NUDCD3: variants seen among roughly 807,000 people sequenced by gnomAD.
NUDCD3 encodes the protein nudC domain-containing protein 3.
Under a neutral mutation model 39.7 loss-of-function variants are expected in NUDCD3, and 13 were observed. That is an observed-to-expected ratio of 0.33 (90% CI 0.21 to 0.52). The LOEUF (loss-of-function observed/expected upper bound fraction) is 0.52, where lower values mean the gene tolerates loss of function less well. Among genes scored for constraint, NUDCD3 ranks in the 20% least tolerant of loss-of-function variants. The pLI is 0.96. For synonymous variants in NUDCD3, 175 were observed against 172.4 expected, an observed-to-expected ratio of 1.02 and a Z score of -0.12; for missense variants, 453 against 458.1, an observed-to-expected ratio of 0.99 and a Z score of 0.10.
At chr7:44,414,911 C>G (rs1428859108) in intron 3 of NUDCD3, among the ~76,000 whole-genome samples, 2 of 152,146 alleles carry the variant, frequency 1.3e-5, no homozygotes, top group African/African-American at 4.8e-5. Flanking sequence ...CACCTAGTGG[C>G]TAAGGTGGTG....
At chr7:44,472,664 T>C (rs753901326) in intron 2 of NUDCD3, among the ~76,000 whole-genome samples, 3 of 152,086 alleles carry the variant, frequency 2.0e-5, no homozygotes, top group Non-Finnish European at 4.4e-5. Context: ...ACAAACAAAA[T>C]GAACAAATGG....
At chr7:44,483,505 C>T (rs929796979) in intron 2 of NUDCD3, among the ~76,000 whole-genome samples, 2 of 152,168 alleles carry the variant, frequency 1.3e-5, no homozygotes, top group Non-Finnish European at 2.9e-5. Context: ...GCCTTCCACC[C>T]TATACTCCCC....
At chr7:44,428,239 C>T (rs1799277509) in intron 2 of NUDCD3, among the ~76,000 whole-genome samples, 1 of 151,016 alleles carries the variant, frequency 6.6e-6, no homozygotes, top group African/African-American at 2.4e-5. Context: ...AGTTTGAAAC[C>T]AACCTGGCTA....
chr7:44,474,609 G>A (rs932715799), intron 2 of NUDCD3, among the ~76,000 whole-genome samples: 3 of 152,072 alleles, frequency 2.0e-5, no homozygotes, highest in Non-Finnish European at 4.4e-5. Flanking sequence ...AAAACGTTAA[G>A]ATACCAGGTT....
At chr7:44,484,138 C>A (rs1416932995) in intron 2 of NUDCD3, among the ~76,000 whole-genome samples, 1 of 152,134 alleles carries the variant, frequency 6.6e-6, no homozygotes, top group Non-Finnish European at 1.5e-5. Context: ...CCCATCCTAT[C>A]AAGGAGGGAA....
chr7:44,489,582 T>C (rs1800689028), intron 1 of NUDCD3, among the ~76,000 whole-genome samples: 1 of 152,254 alleles, frequency 6.6e-6, no homozygotes, highest in Admixed American at 6.5e-5. Flanking sequence ...AATAGTTTCT[T>C]TTAATCTCAT....
intron 2 of NUDCD3, among the ~76,000 whole-genome samples, chr7:44,441,244 A>T (rs55934331): frequency 0.13 from 19,554 of 152,244 alleles, 1,667 homozygotes; most frequent in Non-Finnish European, 0.19. Flanking sequence ...TTTTCACAAC[A>T]GTCAGTATGT....
intron 2 of NUDCD3, among the ~76,000 whole-genome samples, chr7:44,452,353 T>A (rs997660182): frequency 1.3e-5 from 2 of 152,258 alleles, no homozygotes; most frequent in Non-Finnish European, 2.9e-5. Flanking sequence ...AGAGGACTGC[T>A]TGAGGCCAGC....
chr7:44,396,481 A>G (rs949404442), intron 4 of NUDCD3, among the ~76,000 whole-genome samples: 1 of 152,200 alleles, frequency 6.6e-6, no homozygotes, highest in Non-Finnish European at 1.5e-5. Context: ...GCATTCTAAC[A>G]TCGTTATTGA....
At chr7:44,467,825 AAAAAAAG>A (rs1800151435) in intron 2 of NUDCD3, 344 of 1,142,782 alleles carry the variant, frequency 3.0e-4, no homozygotes, top group East Asian at 6.1e-4. Flanking sequence ...AGTAAAAAAA[AAAAAAAG>A]AAAAGAAAAG....
intron 2 of NUDCD3, among the ~76,000 whole-genome samples, chr7:44,435,851 C>G (rs1444540795): frequency 6.6e-6 from 1 of 152,120 alleles, no homozygotes; most frequent in African/African-American, 2.4e-5. Flanking sequence ...AACACAGGAC[C>G]TCGAATCCAT....
Position 44,485,304 on chromosome 7 carries a change from C to T in NUDCD3, c.193-20G>A. On this transcript the variant is annotated intron_variant, in intron 1 of 5. Transcript: ENST00000355451. ...GAATACCTAAAATCAAACACCAATCCAGCAATCAGTTCATCTGCCCAATAC... is the reference window on the plus strand; with the variant it reads ...GAATACCTAAAATCAAACACCAATCTAGCAATCAGTTCATCTGCCCAATAC... 6.3e-7 allele frequency: 1 copy of T among 1,581,392 alleles called. No homozygotes were observed. The highest frequency in any genetic ancestry group is 8.6e-7 in the Non-Finnish European group (1 of 1,158,298).
chr7:44,477,156 T>C (rs1029424439), intron 2 of NUDCD3, among the ~76,000 whole-genome samples: 1 of 152,156 alleles, frequency 6.6e-6, no homozygotes, highest in Non-Finnish European at 1.5e-5. Context: ...GGGGTTAATA[T>C]GTTAGATTGT....
At chr7:44,452,728 C>T (rs1585088581) in intron 2 of NUDCD3, among the ~76,000 whole-genome samples, 4 of 152,166 alleles carry the variant, frequency 2.6e-5, no homozygotes, top group Admixed American at 2.0e-4. Flanking sequence ...GAAAGGCCAT[C>T]GGAGTGAGGG....
chr7:44,441,416 C>G (rs939735469), intron 2 of NUDCD3, among the ~76,000 whole-genome samples: 3 of 151,956 alleles, frequency 2.0e-5, no homozygotes, highest in Non-Finnish European at 4.4e-5. Context: ...CAAGAACCAC[C>G]CAGTCTTCCA....
At chr7:44,464,688 A>G (rs1345137130) in intron 2 of NUDCD3, among the ~76,000 whole-genome samples, 4 of 152,180 alleles carry the variant, frequency 2.6e-5, no homozygotes, top group African/African-American at 9.7e-5. Flanking sequence ...TCTTGGCCTC[A>G]AGTAATCTGC....
chr7:44,412,926 C>CAAAAAAAAAAAAAAAAA (rs767754442), intron 3 of NUDCD3, among the ~76,000 whole-genome samples: 1 of 43,872 alleles, frequency 2.3e-5, no homozygotes, highest in African/African-American at 8.0e-5. Flanking sequence ...GACGCCGTCT[C>CAAAAAAAAAAAAAAAAA]AAAAAAAAAA....
chr7:44,421,390 A>G (rs572999640), intron 3 of NUDCD3, among the ~76,000 whole-genome samples: 1 of 150,514 alleles, frequency 6.6e-6, no homozygotes, highest in South Asian at 2.1e-4. Context: ...GTCAAAATCC[A>G]TCAGTGTGCT....
intron 5 of NUDCD3, 104 bp downstream of exon 5, chr7:44,392,193 C>G: frequency 1.7e-6 from 2 of 1,154,786 alleles, no homozygotes; most frequent in South Asian, 2.9e-5. Context: ...CTGGTCCACA[C>G]AACCTTCTTC....
Sources: allele counts gnomAD v4.1 joint callset (sites outside exome capture counted in the v4.1 genomes callset), GRCh38; gene constraint gnomAD v4.1.1; transcripts MANE v1.5; gene names NCBI Gene and HGNC (gene_info 2026-07-23, HGNC 2026-07-21).